The following ZNF695 variants were observed in gnomAD, a reference collection of about 807,000 sequenced individuals.
The protein encoded by ZNF695 is zinc finger protein 695, also known as zinc finger protein SBZF3.
In ZNF695, 11 loss-of-function variants were observed where a neutral mutation model predicts 11.2. That is an observed-to-expected ratio of 0.98 (90% confidence interval 0.62 to 1.62). The LOEUF (loss-of-function observed/expected upper bound fraction) is 1.62, where lower values mean the gene tolerates loss of function less well. Ranked by LOEUF, ZNF695 falls within the 40% of genes most tolerant of loss-of-function variation. ZNF695 has a pLI of 0.00. For synonymous variants in ZNF695, 190 were observed against 201.4 expected, an observed-to-expected ratio of 0.94 and a Z score of 0.48; for missense variants, 559 against 590.5, an observed-to-expected ratio of 0.95 and a Z score of 0.55.
Position 246,987,951 on chromosome 1 carries a change from T to G in ZNF695, c.564A>C (p.Glu188Asp), listed in dbSNP as rs1165646681. The G allele has an allele frequency of 3.1e-6, 5 of 1,610,614 alleles. No homozygotes were observed. The highest frequency in any genetic ancestry group is 4.2e-6 in the Non-Finnish European group (5 of 1,178,900). ...AAGACATGCAAGAGACATTGCCACA[T>G]TCTTTGCATTTGAATGGTTTTTCTC... Reference protein sequence around the residue: ...HTGEKPFKCKECGNVSCMSLI... With the variant: ...HTGEKPFKCKDCGNVSCMSLI... Residue 188 changes from glutamate (E) to aspartate (D), a missense_variant, in exon 4 of 4, where the codon GAA becomes GAC. Glu to Asp is a conservative substitution (Grantham distance 45). Coordinates refer to ENST00000339986, the MANE Select transcript of ZNF695 (RefSeq NM_020394.5).
At chr1:247,003,932 G>T (rs1669461438) in intron 1 of ZNF695, among the ~76,000 whole-genome samples, 1 of 152,064 alleles carries the variant, frequency 6.6e-6, no homozygotes, top group South Asian at 2.1e-4. Flanking sequence ...TTTTTCTTAG[G>T]GCCGGGCATG....
downstream of ZNF695, among the ~76,000 whole-genome samples, chr1:246,984,245 A>C (rs1259333061): frequency 1.4e-5 from 2 of 146,032 alleles, no homozygotes; most frequent in African/African-American, 2.5e-5. Flanking sequence ...TATTGTGTGG[A>C]GAACAGTGAG....
intron 5 of ZNF695, among the ~76,000 whole-genome samples, chr1:246,957,482 G>A (rs1190090185): frequency 1.3e-5 from 2 of 151,898 alleles, no homozygotes; most frequent in Non-Finnish European, 2.9e-5. Context: ...TCTAATTATG[G>A]TTAATTTGGG....
intron 2 of ZNF695, among the ~76,000 whole-genome samples, chr1:246,999,672 T>C (rs1053142221): frequency 2.6e-5 from 4 of 152,196 alleles, no homozygotes; most frequent in African/African-American, 9.7e-5. Context: ...GGAAACTGGA[T>C]TTTGAAGTGT....
intron 3 of ZNF695, among the ~76,000 whole-genome samples, chr1:246,996,379 C>T (rs1669210921): frequency 1.3e-5 from 2 of 152,046 alleles, no homozygotes; most frequent in Admixed American, 6.6e-5. Flanking sequence ...ACTAGCACCA[C>T]AGATGCCCAA....
chr1:246,979,700 T>C (rs1668655054), intron 4 of ZNF695: 2 of 148,260 alleles, frequency 1.3e-5, no homozygotes, highest in Admixed American at 1.4e-4. Context: ...AGGCAATCTT[T>C]TTGTTTCACA....
rs760018211 is a variant in ZNF695, at chr1:246,987,749, C to T, written c.766G>A (p.Ala256Thr). The T allele has an allele frequency of 6.3e-7, 1 of 1,589,054 alleles. No homozygotes were observed. Among genetic ancestry groups the T allele is most frequent in the Admixed American group, 1.9e-5 (1 of 53,768 alleles). ...TCAGTATGATTTTTCTCAACAACAG[C>T]AAGACTTGAGCAAGACTTAAAAATG... The part of the protein sequence containing the change: ...NNIFKSCSSL[A>T]VVEKNHTEKK... The change falls in exon 4 of 4, where the codon GCT (alanine) becomes ACT (threonine). Residue 256 changes from alanine to threonine, a missense_variant. Ala to Thr is a moderately conservative substitution (Grantham distance 58). Transcript: ENST00000339986.
chr1:246,959,312 T>A (rs898284624), intron 5 of ZNF695, among the ~76,000 whole-genome samples: 2,316 of 22,646 alleles, frequency 0.1, 40 homozygotes, highest in Non-Finnish European at 0.11. Context: ...AAAAAAAAAA[T>A]ATATATATAT....
At chr1:247,007,863 C>A in intron 1 of ZNF695, 43 bp downstream of exon 1, 2 of 1,524,098 alleles carry the variant, frequency 1.3e-6, no homozygotes, top group Non-Finnish European at 1.8e-6. Flanking sequence ...CGATTCCAAC[C>A]ACCCCCTCTC....
intron 5 of ZNF695, among the ~76,000 whole-genome samples, chr1:246,951,083 TAAGTG>T (rs1667859905): frequency 6.6e-6 from 1 of 152,146 alleles, no homozygotes; most frequent in Non-Finnish European, 1.5e-5. Flanking sequence ...TTACTCAGTT[TAAGTG>T]TTGTCATATA....
intron 3 of ZNF695, among the ~76,000 whole-genome samples, chr1:246,997,013 C>T (rs1283518621): frequency 6.6e-6 from 1 of 152,094 alleles, no homozygotes. Context: ...TTCACTTTTG[C>T]ACCATAATGT....
At position 246,987,162 on chromosome 1, in the gene ZNF695, A is replaced by G; in HGVS notation, c.1353T>C (p.Leu451=). The G allele has an allele frequency of 1.2e-6, 2 of 1,613,948 alleles. No homozygotes were observed. The highest frequency in any genetic ancestry group is 1.7e-6 in the Non-Finnish European group (2 of 1,179,980). The part of the protein sequence containing the change: ...CGKAFNWFSY[L]TNHKRIHTGE... The stretch of plus-strand genomic sequence containing the variant: ...CAGTATGAATTCTCTTATGATTAGT[A>G]AGATATGAAAACCAGTTAAAAGCTT... The change falls in exon 4 of 4, where the codon CTT becomes CTC. Residue 451 remains leucine (L), a synonymous_variant. Transcript: ENST00000339986.
chr1:246,982,962 G>A (rs1418409116), downstream of ZNF695, among the ~76,000 whole-genome samples: 1 of 152,146 alleles, frequency 6.6e-6, no homozygotes, highest in Non-Finnish European at 1.5e-5. Context: ...CCAGCACTTT[G>A]GGAGGCCGAG....
At chr1:246,959,310 A>AAAAAATAAATATATATATATAT (rs1558304450) in intron 5 of ZNF695, among the ~76,000 whole-genome samples, 1 of 51,252 alleles carries the variant, frequency 2.0e-5, no homozygotes, top group Non-Finnish European at 3.2e-5. Flanking sequence ...AAAAAAAAAA[A>AAAAAATAAATATATATATATAT]ATATATATAT....
chr1:247,000,362 G>A (rs1305491133), intron 1 of ZNF695, among the ~76,000 whole-genome samples: 3 of 152,018 alleles, frequency 2.0e-5, no homozygotes, highest in Non-Finnish European at 2.9e-5. Flanking sequence ...AAAATTAGCC[G>A]GGCGTGGTGG....
At chr1:246,957,395 A>G (rs1668027961) in intron 5 of ZNF695, among the ~76,000 whole-genome samples, 2 of 151,942 alleles carry the variant, frequency 1.3e-5, no homozygotes, top group Non-Finnish European at 2.9e-5. Flanking sequence ...AAAAAAAAAA[A>G]AGAATTGGGG....
chr1:246,993,744 A>G (rs1489209294), intron 3 of ZNF695, among the ~76,000 whole-genome samples: 4 of 152,244 alleles, frequency 2.6e-5, no homozygotes, highest in African/African-American at 4.8e-5. Flanking sequence ...AAATAAGAAC[A>G]CAGACAACTA....
chr1:246,958,152 G>A (rs1006381257), intron 5 of ZNF695, among the ~76,000 whole-genome samples: 1 of 150,792 alleles, frequency 6.6e-6, no homozygotes, highest in African/African-American at 2.4e-5. Context: ...TCCGCCTCCC[G>A]GGTTCACGCC....
rs749284367 is a variant in ZNF695, at chr1:246,999,907, C to T, written c.166+5G>A. The T allele has an allele frequency of 6.2e-7, 1 of 1,613,492 alleles. No individual in the cohort carries two copies. The highest frequency in any genetic ancestry group is 1.7e-5 in the Admixed American group (1 of 59,926). ...TTCTACAAAGGAAAAAGATGAAATC[C>T]TTACTGTGAAATAGGAATTGCATAT... On this transcript the variant is annotated splice_donor_5th_base_variant and intron_variant, in intron 2 of 3. Coordinates refer to ENST00000339986, the MANE Select transcript of ZNF695 (RefSeq NM_020394.5).
Sources: gnomAD v4.1 joint callset for allele counts (sites outside exome capture counted in the v4.1 genomes callset) on GRCh38, gnomAD v4.1.1 for gene constraint, MANE v1.5 for transcripts, NCBI Gene and HGNC (gene_info 2026-07-23, HGNC 2026-07-21) for gene names.